The following ARID3A variants were observed in gnomAD, a reference collection of about 807,000 sequenced individuals.
ARID3A encodes the protein AT-rich interactive domain-containing protein 3A.
ARID3A carries 11 observed loss-of-function variants against 52.7 expected under a neutral mutation model. That is an observed-to-expected ratio of 0.21 (90% confidence interval 0.13 to 0.35). The LOEUF is 0.35. ARID3A is among the 10% of genes least tolerant of loss of function. ARID3A has a pLI of 1.00. For missense variants in ARID3A, 721 were observed against 838.5 expected (o/e 0.86, Z 1.73); for synonymous variants, 404 against 359.4 (o/e 1.12, Z -1.40).
rs555127957 is a variant in ARID3A at position 975,214 on chromosome 19, G to A, written c.*3149G>A. 111 of 230,884 alleles carry A rather than the reference G, an allele frequency of 4.8e-4. 1 individual carries two copies. Among genetic ancestry groups the A allele is most frequent in the African/African-American group, 2.1e-3 (97 of 45,262 alleles). 14.3% of individuals were successfully genotyped at this position (230,884 alleles called of 1,614,324 possible). A position where few individuals can be genotyped will look rare whatever the true frequency, so the allele number is the denominator to read the frequency against. On this transcript the variant is annotated 3_prime_UTR_variant, in exon 9 of 9. Transcript: ENST00000263620. ...GATGGGTTCTAGTTCACTTGGGACC[G>A]TGGGGCCTGGCTGCGTACTGAGTGG...
At chr19:933,855 G>T (rs961559603) in intron 3 of ARID3A, among the ~76,000 whole-genome samples, 3 of 148,754 alleles carry the variant, frequency 2.0e-5, no homozygotes, top group Admixed American at 2.0e-4. Flanking sequence ...GTGGGGGGGG[G>T]GGGCGTCTCG....
rs1341760308 is a variant in ARID3A at position 964,969 on chromosome 19, C to A, written c.1087C>A (p.Pro363Thr). The part of the protein sequence containing the change: ...SFGGSLFAYS[P>T]GGAHGMLSSP... ...TGGTGGCTCCCTCTTTGCCTACTCG[C>A]CAGGCGGGGCACACGGCATGCTCTC... Residue 363 changes from proline to threonine, a missense_variant, in exon 6 of 9, where the codon CCA (proline) becomes ACA (threonine). By Grantham distance (38) the Pro-to-Thr change is conservative. Transcript: ENST00000263620. The surrounding 1 kb of genome is among the most constrained non-coding windows in gnomAD (Gnocchi z 5.7). 4 of 1,613,884 alleles carry A rather than the reference C, an allele frequency of 2.5e-6. No individual in the cohort carries two copies. Among genetic ancestry groups the A allele is most frequent in the African/African-American group, 1.3e-5 (1 of 75,026 alleles).
At chr19:954,935 G>A (rs556534671) in intron 3 of ARID3A, among the ~76,000 whole-genome samples, 26 of 152,140 alleles carry the variant, frequency 1.7e-4, no homozygotes, top group Non-Finnish European at 2.8e-4. Context: ...AGGGGAGTGC[G>A]GGCCGCTTAT....
In ARID3A at chr19:947,507, G is replaced by A; in HGVS notation, c.694-12585G>A. Among the ~76,000 whole-genome samples the A allele has an allele frequency of 6.6e-6, 1 of 152,140 alleles. No homozygotes were observed. Among genetic ancestry groups the A allele is most frequent in the East Asian group, 1.9e-4 (1 of 5,178 alleles). ...CGGTCAGCGTCTCCTCCCTGAGCAA[G>A]GGACTCCCCCATCCATGTCTCAGCC... On this transcript the variant is annotated intron_variant, in intron 3 of 8. Transcript: ENST00000263620. The surrounding 1 kb of genome is among the most constrained non-coding windows in gnomAD (Gnocchi z 6.3).
In ARID3A at chr19:960,834, C is replaced by T. The variant is rs561120117; in HGVS notation, c.766+670C>T. Reference sequence around the variant, plus strand: ...ACCAGGCTCTGTGCCCCCAAAGTCTCCTGGCCTAGAGAGGGCAGGTCTGGG... The same window carrying T: ...ACCAGGCTCTGTGCCCCCAAAGTCTTCTGGCCTAGAGAGGGCAGGTCTGGG... On this transcript the variant is annotated intron_variant, in intron 4 of 8. Coordinates refer to ENST00000263620, the MANE Select transcript of ARID3A (RefSeq NM_005224.3). The surrounding 1 kb of genome is among the most constrained non-coding windows in gnomAD (Gnocchi z 4.3). Among the ~76,000 whole-genome samples, 1 of 152,294 alleles carries T rather than the reference C, an allele frequency of 6.6e-6. No homozygotes were observed. The highest frequency in any genetic ancestry group is 6.5e-5 in the Admixed American group (1 of 15,294).
chr19:954,231 C>G (rs1019220576), intron 3 of ARID3A, among the ~76,000 whole-genome samples: 1 of 152,132 alleles, frequency 6.6e-6, no homozygotes, highest in Non-Finnish European at 1.5e-5. Context: ...GAGGGGCGGC[C>G]GGGGGACCTG....
At position 945,179 on chromosome 19, in the gene ARID3A, A is replaced by G. The variant is rs2037651382; in HGVS notation, c.693+12437A>G. On this transcript the variant is annotated intron_variant, in intron 3 of 8. Coordinates refer to ENST00000263620, the MANE Select transcript of ARID3A (RefSeq NM_005224.3). ...CCACCTGGGGGGAGAGAGCCTGGGC[A>G]CACCAACATGCAGAGATCCCAGCTC... 3.9e-5 allele frequency among the ~76,000 whole-genome samples: 6 copies of G among 152,338 alleles called. No individual in the cohort carries two copies. The South Asian group carries it at 1.2e-3, about 32-fold the overall frequency.
Position 975,059 on chromosome 19 carries a change from G to C in ARID3A, c.*2994G>C. Reference sequence around the variant, plus strand: ...CAGGTGGCCCCGTTCAACCCCAGCCGTGCCCATCTCCTGCCACCGCCTGTC... The same window carrying C: ...CAGGTGGCCCCGTTCAACCCCAGCCCTGCCCATCTCCTGCCACCGCCTGTC... On this transcript the variant is annotated 3_prime_UTR_variant, in exon 9 of 9. Transcript: ENST00000263620. 4.3e-6 allele frequency: 1 copy of C among 232,180 alleles called. No individual in the cohort carries two copies. The highest frequency in any genetic ancestry group is 8.5e-6 in the Non-Finnish European group (1 of 117,400). 14.4% of individuals were successfully genotyped at this position (232,180 alleles called of 1,614,324 possible). A position where few individuals can be genotyped will look rare whatever the true frequency, so the allele number is the denominator to read the frequency against.
chr19:927,590 C>T (rs1406699285), intron 1 of ARID3A, among the ~76,000 whole-genome samples: 1 of 145,326 alleles, frequency 6.9e-6, no homozygotes, highest in Non-Finnish European at 1.5e-5. Flanking sequence ...GGAGCTCTTC[C>T]GTGGGGGGGG....
rs572455723 is a variant in ARID3A at position 947,833 on chromosome 19, G to A, written c.694-12259G>A. 2.2e-4 allele frequency among the ~76,000 whole-genome samples: 33 copies of A among 152,312 alleles called. 1 individual carries two copies. The East Asian group carries it at 5.6e-3, about 26-fold the overall frequency. On this transcript the variant is annotated intron_variant, in intron 3 of 8. Transcript: ENST00000263620. This position sits in a 1 kb window ranked among gnomAD's most constrained non-coding sequence, Gnocchi z 6.3. ...GGGGGAGTGGAGCCGGCAGATGTTC[G>A]GCCCTGCCCAGAATCACTTCCCCAA...
Position 972,384 on chromosome 19 carries a change from C to T in ARID3A, c.*319C>T, listed in dbSNP as rs976425999. On this transcript the variant is annotated 3_prime_UTR_variant, in exon 9 of 9. Coordinates refer to ENST00000263620, the MANE Select transcript of ARID3A (RefSeq NM_005224.3). Reference sequence around the variant, plus strand: ...CATCAGAAAAACAGAAAGAGGCAGACGTTTCCCAGGGCGTTCAGGCAGCCC... The same window carrying T: ...CATCAGAAAAACAGAAAGAGGCAGATGTTTCCCAGGGCGTTCAGGCAGCCC... The T allele has an allele frequency of 2.6e-4, 56 of 218,080 alleles. No individual in the cohort carries two copies. The East Asian group carries it at 3.4e-3, about 13-fold the overall frequency. The allele number at this position is 218,080 out of a possible 1,614,324, so 13.5% of individuals were successfully genotyped here.
chr19:941,502 G>A lies in ARID3A; in HGVS notation c.693+8760G>A, dbSNP rs2037554675. On this transcript the variant is annotated intron_variant, in intron 3 of 8. Transcript: ENST00000263620. This position sits in a 1 kb window ranked among gnomAD's most constrained non-coding sequence, Gnocchi z 6.9. ...AGGTCTCTGTGTGCCGAGTGACGTG[G>A]CAAACTTCCCACGTCCCTGTTTTGC... Among the ~76,000 whole-genome samples, 1 of 152,218 alleles carries A rather than the reference G, an allele frequency of 6.6e-6. No individual in the cohort carries two copies. The highest frequency in any genetic ancestry group is 1.5e-5 in the Non-Finnish European group (1 of 68,034).
At chr19:951,153 C>T (rs888694628) in intron 3 of ARID3A, among the ~76,000 whole-genome samples, 46 of 152,148 alleles carry the variant, frequency 3.0e-4, no homozygotes, top group African/African-American at 9.4e-4. Flanking sequence ...GACGGGGTCT[C>T]GCTGTGTTGC....
At chr19:933,396 C>CT (rs2037374212) in intron 3 of ARID3A, among the ~76,000 whole-genome samples, 1 of 152,166 alleles carries the variant, frequency 6.6e-6, no homozygotes, top group Non-Finnish European at 1.5e-5. Flanking sequence ...GCGGGGGATG[C>CT]TTTGAAGTTG....
chr19:957,334 C>T (rs1015265144), intron 3 of ARID3A, among the ~76,000 whole-genome samples: 5 of 152,176 alleles, frequency 3.3e-5, no homozygotes, highest in Non-Finnish European at 7.3e-5. Context: ...GGAAGCAGGG[C>T]GGGGCTCTGG....
At chr19:958,844 G>C (rs1212897131) in intron 3 of ARID3A, among the ~76,000 whole-genome samples, 1 of 151,990 alleles carries the variant, frequency 6.6e-6, no homozygotes, top group East Asian at 1.9e-4. Flanking sequence ...GGTGAGCCGA[G>C]ATTGCACCCC....
intron 3 of ARID3A, among the ~76,000 whole-genome samples, chr19:933,849 G>C (rs906092123): frequency 1.9e-4 from 28 of 148,198 alleles, no homozygotes; most frequent in African/African-American, 5.7e-4. Context: ...GACTCGGTGG[G>C]GGGGGGGGGC....
chr19:939,269 C>T (rs529056882), intron 3 of ARID3A, among the ~76,000 whole-genome samples: 10 of 152,186 alleles, frequency 6.6e-5, no homozygotes, highest in South Asian at 4.1e-4. Context: ...CAGGCGCCCA[C>T]CACCACACCC....
chr19:972,160 C>A lies in ARID3A; in HGVS notation c.*95C>A. On this transcript the variant is annotated 3_prime_UTR_variant, in exon 9 of 9. Coordinates refer to ENST00000263620, the MANE Select transcript of ARID3A (RefSeq NM_005224.3). Reference sequence around the variant, plus strand: ...ACAGGGGCCAGGATGGCGGAAGATACGGGTGGGGAGGGAAGATATCCAGAA... The same window carrying A: ...ACAGGGGCCAGGATGGCGGAAGATAAGGGTGGGGAGGGAAGATATCCAGAA... 2 of 1,215,236 alleles carry A rather than the reference C, an allele frequency of 1.6e-6. No individual in the cohort carries two copies. The highest frequency in any genetic ancestry group is 2.2e-6 in the Non-Finnish European group (2 of 904,216). The allele number at this position is 1,215,236 out of a possible 1,614,324, so 75.3% of individuals were successfully genotyped here.
Sources: gnomAD v4.1 joint callset for allele counts (sites outside exome capture counted in the v4.1 genomes callset) on GRCh38, gnomAD v4.1.1 for gene constraint, Gnocchi (gnomAD v3.1) non-coding constraint, MANE v1.5 for transcripts, NCBI Gene and HGNC (gene_info 2026-07-23, HGNC 2026-07-21) for gene names.